SAMD3: variants seen among roughly 807,000 people sequenced by gnomAD.
The protein encoded by SAMD3 is sterile alpha motif domain containing 3.
Under a neutral mutation model 58.5 loss-of-function variants are expected in SAMD3, and 63 were observed. The observed-to-expected ratio is 1.08, with a 90% CI of 0.88 to 1.33. The LOEUF is 1.33. SAMD3 is among the 40% of genes most tolerant of loss of function. SAMD3 has a pLI of 0.00. For missense variants in SAMD3, 604 were observed against 608.4 expected (o/e 0.99, Z 0.08); for synonymous variants, 220 against 210.3 (o/e 1.05, Z -0.40).
At chr6:130,196,135 T>G (rs550813755) in intron 5 of SAMD3, among the ~76,000 whole-genome samples, 1 of 152,148 alleles carries the variant, frequency 6.6e-6, no homozygotes, top group Non-Finnish European at 1.5e-5. Context: ...TCCAAACAAC[T>G]TGACCTTACT....
chr6:130,147,165 C>T (rs1399151251), intron 9 of SAMD3, among the ~76,000 whole-genome samples: 2 of 152,156 alleles, frequency 1.3e-5, no homozygotes, highest in African/African-American at 4.8e-5. Flanking sequence ...AGATTATTAG[C>T]CACCCACACT....
intron 2 of SAMD3, among the ~76,000 whole-genome samples, chr6:130,256,669 A>G (rs1773937326): frequency 6.6e-6 from 1 of 152,184 alleles, no homozygotes; most frequent in East Asian, 1.9e-4. Flanking sequence ...CCCAATGCTC[A>G]TGGAAACAGA....
chr6:130,351,441 G>A (rs1027873691), intron 1 of SAMD3, among the ~76,000 whole-genome samples: 2 of 152,158 alleles, frequency 1.3e-5, no homozygotes, highest in Non-Finnish European at 2.9e-5. Context: ...CTTCTCAAAA[G>A]AAGACATTTA....
At chr6:130,144,231 A>C (rs1367635341), downstream of SAMD3, 2 of 382,976 alleles carry the variant, frequency 5.2e-6, no homozygotes, top group Non-Finnish European at 9.4e-6. Context: ...ATTTGAGTAC[A>C]GTGTATTTCA....
At position 130,272,693 on chromosome 6, in the gene SAMD3, A is replaced by G. The variant is rs1452203159; in HGVS notation, c.-188+40285T>C. Among the ~76,000 whole-genome samples the G allele has an allele frequency of 2.6e-5, 4 of 152,158 alleles. No homozygotes were observed. The South Asian group carries it at 6.2e-4, about 24-fold the overall frequency. ...TGCTTTAGTTGGTGTACAACATTGAATCTCAACTTCTCAAATTTTTATTTT... is the reference window on the plus strand; with the variant it reads ...TGCTTTAGTTGGTGTACAACATTGAGTCTCAACTTCTCAAATTTTTATTTT... On this transcript the variant is annotated intron_variant, in intron 2 of 13. Coordinates refer to the SAMD3 transcript ENST00000368134.
chr6:130,223,914 G>A (rs1037075054), upstream of SAMD3, among the ~76,000 whole-genome samples: 18 of 152,136 alleles, frequency 1.2e-4, no homozygotes, highest in African/African-American at 3.6e-4. Context: ...CTGCCTTATC[G>A]CAAGGACAGA....
intron 2 of SAMD3, among the ~76,000 whole-genome samples, chr6:130,287,840 G>T (rs1004163780): frequency 6.6e-6 from 1 of 152,068 alleles, no homozygotes; most frequent in Non-Finnish European, 1.5e-5. Flanking sequence ...AGCTCCTCGG[G>T]AGGTTGAGGC....
chr6:130,197,980 TC>T (rs1794295402), intron 5 of SAMD3, among the ~76,000 whole-genome samples: 2 of 152,236 alleles, frequency 1.3e-5, no homozygotes, highest in South Asian at 4.2e-4. Flanking sequence ...GCGAAATTCC[TC>T]CTCCTGGCTC....
At chr6:130,151,856 T>G (rs1562369137) in intron 9 of SAMD3, among the ~76,000 whole-genome samples, 1 of 152,226 alleles carries the variant, frequency 6.6e-6, no homozygotes, top group African/African-American at 2.4e-5. Context: ...CTGAAAGGAT[T>G]TTTTGGAAAA....
intron 1 of SAMD3, among the ~76,000 whole-genome samples, chr6:130,315,775 T>C (rs1359176587): frequency 1.3e-5 from 2 of 152,086 alleles, no homozygotes; most frequent in Non-Finnish European, 2.9e-5. Flanking sequence ...ATAATTTAAA[T>C]TATTGGTAAA....
At chr6:130,253,352 G>T (rs1015057825) in intron 2 of SAMD3, among the ~76,000 whole-genome samples, 2 of 152,080 alleles carry the variant, frequency 1.3e-5, no homozygotes, top group Non-Finnish European at 2.9e-5. Flanking sequence ...TGTTTAGTTG[G>T]AACCAGTGGG....
intron 1 of SAMD3, among the ~76,000 whole-genome samples, chr6:130,218,228 G>C (rs1796088554): frequency 6.6e-6 from 1 of 152,226 alleles, no homozygotes; most frequent in Admixed American, 6.5e-5. Context: ...CGAGGGTCCT[G>C]CTAGTATATG....
chr6:130,201,449 C>T (rs1210790667), intron 5 of SAMD3, among the ~76,000 whole-genome samples: 2 of 152,210 alleles, frequency 1.3e-5, no homozygotes, highest in African/African-American at 4.8e-5. Context: ...TCCCAGGCCC[C>T]ACCCTAACCT....
chr6:130,243,589 C>A (rs1254265134), intron 2 of SAMD3, among the ~76,000 whole-genome samples: 1 of 152,160 alleles, frequency 6.6e-6, no homozygotes, highest in Non-Finnish European at 1.5e-5. Flanking sequence ...ATAATTTGTG[C>A]AAAGTTACAT....
intron 5 of SAMD3, among the ~76,000 whole-genome samples, chr6:130,194,572 G>A (rs911551653): frequency 2.6e-5 from 4 of 152,188 alleles, no homozygotes; most frequent in African/African-American, 9.7e-5. Flanking sequence ...GAACCACAGC[G>A]GCCAGGCATT....
intron 1 of SAMD3, among the ~76,000 whole-genome samples, chr6:130,364,178 TG>T (rs1311975776): frequency 4.6e-5 from 7 of 152,232 alleles, no homozygotes; most frequent in Non-Finnish European, 1.0e-4. Context: ...TCTTCTTTTT[TG>T]GTAAATCACT....
At chr6:130,294,279 T>G in intron 2 of SAMD3, among the ~76,000 whole-genome samples, 1 of 151,972 alleles carries the variant, frequency 6.6e-6, no homozygotes, top group East Asian at 1.9e-4. Flanking sequence ...AGGCTTTGTT[T>G]AAAGCAAAGC....
chr6:130,269,773 C>T (rs1774493991), intron 2 of SAMD3, among the ~76,000 whole-genome samples: 1 of 151,474 alleles, frequency 6.6e-6, no homozygotes, highest in African/African-American at 2.4e-5. Flanking sequence ...TATTTTACTC[C>T]TCTTTTTCTA....
chr6:130,295,376 G>T (rs1775537115), intron 2 of SAMD3, among the ~76,000 whole-genome samples: 1 of 152,170 alleles, frequency 6.6e-6, no homozygotes. Context: ...GTGGTTTGAT[G>T]AGATGGACTT....
Sources: allele counts gnomAD v4.1 joint callset (sites outside exome capture counted in the v4.1 genomes callset), GRCh38; gene constraint gnomAD v4.1.1; transcripts MANE v1.5; gene names NCBI Gene and HGNC (gene_info 2026-07-23, HGNC 2026-07-21).